The following RASGRP3 variants were observed in gnomAD, a reference collection of about 807,000 sequenced individuals.
The protein encoded by RASGRP3 is RAS guanyl releasing protein 3, also known as ras guanyl-releasing protein 3.
Under a neutral mutation model 82.7 loss-of-function variants are expected in RASGRP3, and 54 were observed. The ratio of observed to expected loss-of-function variants is 0.65; its 90% CI spans 0.52 to 0.82. The LOEUF is 0.82. Among genes scored for constraint, RASGRP3 ranks in the 40% least tolerant of loss-of-function variants. RASGRP3 has a pLI of 0.00. For missense variants in RASGRP3, 861 were observed against 828.9 expected, an observed-to-expected ratio of 1.04 and a Z score of -0.48; for synonymous variants, 309 against 300.5, an observed-to-expected ratio of 1.03 and a Z score of -0.29.
intron 2 of RASGRP3, among the ~76,000 whole-genome samples, chr2:33,453,610 G>A (rs1292386046): frequency 6.6e-6 from 1 of 152,098 alleles, no homozygotes; most frequent in Non-Finnish European, 1.5e-5. Flanking sequence ...AAGATGCAAG[G>A]TTTTTTATGA....
chr2:33,534,806 G>T (rs1270114069), intron 11 of RASGRP3, among the ~76,000 whole-genome samples: 2 of 151,518 alleles, frequency 1.3e-5, no homozygotes, highest in South Asian at 2.1e-4. Context: ...GCCATTACAG[G>T]CTTGGATTAC....
intron 1 of RASGRP3, among the ~76,000 whole-genome samples, chr2:33,510,634 G>A (rs748459037): frequency 6.6e-6 from 1 of 152,162 alleles, no homozygotes; most frequent in Non-Finnish European, 1.5e-5. Context: ...AATATGGGAG[G>A]GGAAGAAGTA....
intron 1 of RASGRP3, among the ~76,000 whole-genome samples, chr2:33,478,050 C>T (rs1459262448): frequency 6.6e-6 from 1 of 152,130 alleles, no homozygotes; most frequent in Non-Finnish European, 1.5e-5. Context: ...CCCTTACCAT[C>T]CTTTGTTGTT....
intron 1 of RASGRP3, among the ~76,000 whole-genome samples, chr2:33,485,676 C>A (rs1034086381): frequency 6.6e-6 from 1 of 152,108 alleles, no homozygotes; most frequent in Admixed American, 6.6e-5. Context: ...TTTCTTGGGG[C>A]CATGATTACA....
At chr2:33,443,709 T>TAACAAA (rs1281917677) in intron 1 of RASGRP3, among the ~76,000 whole-genome samples, 1 of 98,226 alleles carries the variant, frequency 1.0e-5, no homozygotes, top group East Asian at 2.9e-4. Context: ...ATCCTGTCTC[T>TAACAAA]AAAAAAAAAA....
At chr2:33,441,203 T>G (rs542011969) in intron 1 of RASGRP3, among the ~76,000 whole-genome samples, 29 of 152,192 alleles carry the variant, frequency 1.9e-4, no homozygotes, top group Non-Finnish European at 3.5e-4. Flanking sequence ...CCAAACTTGT[T>G]CTTTAGTGTC....
At chr2:33,473,339 C>T (rs113456465), upstream of RASGRP3, among the ~76,000 whole-genome samples, 1,570 of 151,844 alleles carry the variant, frequency 0.01, 24 homozygotes, top group African/African-American at 0.037. Context: ...GCCGAGATCG[C>T]GCCACCACAC....
chr2:33,468,406 A>ATT (rs11446557), intron 2 of RASGRP3, among the ~76,000 whole-genome samples: 36 of 145,934 alleles, frequency 2.5e-4, no homozygotes, highest in African/African-American at 8.7e-4. Context: ...ATGCTTCAAC[A>ATT]TTTTTTTTTT....
At chr2:33,467,237 A>G (rs1363243972) in intron 2 of RASGRP3, among the ~76,000 whole-genome samples, 1 of 151,942 alleles carries the variant, frequency 6.6e-6, no homozygotes, top group East Asian at 1.9e-4. Context: ...TCAGTTATTG[A>G]TATTGGTTTG....
chr2:33,521,296 A>C (rs1483595506), intron 6 of RASGRP3, among the ~76,000 whole-genome samples: 1 of 152,236 alleles, frequency 6.6e-6, no homozygotes, highest in Non-Finnish European at 1.5e-5. Flanking sequence ...CATATCAACT[A>C]GGTAACTTTG....
At chr2:33,536,384 A>C (rs957569397) in intron 11 of RASGRP3, among the ~76,000 whole-genome samples, 2 of 151,474 alleles carry the variant, frequency 1.3e-5, no homozygotes, top group African/African-American at 4.8e-5. Context: ...GAGAGTAGGT[A>C]TCTCACTCGG....
At chr2:33,445,195 G>A (rs1437910770) in intron 1 of RASGRP3, among the ~76,000 whole-genome samples, 1 of 152,166 alleles carries the variant, frequency 6.6e-6, no homozygotes, top group Non-Finnish European at 1.5e-5. Context: ...TGCTAAATAC[G>A]GAGATACAAA....
At chr2:33,463,076 T>G (rs1666472875) in intron 2 of RASGRP3, among the ~76,000 whole-genome samples, 1 of 152,238 alleles carries the variant, frequency 6.6e-6, no homozygotes, top group African/African-American at 2.4e-5. Flanking sequence ...TCTGCGTTTA[T>G]AGGAGTGAGA....
intron 14 of RASGRP3, among the ~76,000 whole-genome samples, chr2:33,552,403 T>A (rs1675459088): frequency 1.3e-5 from 2 of 152,224 alleles, no homozygotes; most frequent in African/African-American, 2.4e-5. Context: ...GGAGTACACA[T>A]TTTTTATGTA....
intron 1 of RASGRP3, among the ~76,000 whole-genome samples, chr2:33,439,818 AC>A (rs1162770835): frequency 4.6e-5 from 7 of 152,138 alleles, no homozygotes; most frequent in African/African-American, 1.7e-4. Flanking sequence ...ATTTAAAGAC[AC>A]CTGGGGCCGA....
chr2:33,514,505 C>CA (rs3083005), intron 2 of RASGRP3, among the ~76,000 whole-genome samples: 19,208 of 60,718 alleles, frequency 0.32, 3,375 homozygotes, highest in Middle Eastern at 0.5. Flanking sequence ...CCCATCTCTA[C>CA]AAAAAAAAAA....
rs531888599 is a variant in RASGRP3, at chr2:33,447,061, G to A, written c.-384-759G>A. On this transcript the variant is annotated intron_variant, in intron 1 of 18. Coordinates refer to the RASGRP3 transcript ENST00000402538. The stretch of plus-strand genomic sequence containing the variant: ...CGGGAGGCTGAGGCAGGAGAATGGC[G>A]TGAACCTACACTCCAGCCTGGGTGA... Among the ~76,000 whole-genome samples, 8 of 148,492 alleles carry A rather than the reference G, an allele frequency of 5.4e-5. No homozygotes were observed. The South Asian group carries it at 8.7e-4, about 16-fold the overall frequency.
chr2:33,509,827 C>G (rs572351624), intron 1 of RASGRP3, among the ~76,000 whole-genome samples: 1 of 152,286 alleles, frequency 6.6e-6, no homozygotes, highest in South Asian at 2.1e-4. Flanking sequence ...TGTCTGGTGT[C>G]TAGTAGATCC....
chr2:33,537,620 C>T (rs1466946178), intron 11 of RASGRP3, among the ~76,000 whole-genome samples: 1 of 152,120 alleles, frequency 6.6e-6, no homozygotes, highest in African/African-American at 2.4e-5. Context: ...CTCAGCCTCC[C>T]AAAGTGCTGG....
Sources: gnomAD v4.1 joint callset for allele counts (sites outside exome capture counted in the v4.1 genomes callset) on GRCh38, gnomAD v4.1.1 for gene constraint, MANE v1.5 for transcripts, NCBI Gene and HGNC (gene_info 2026-07-23, HGNC 2026-07-21) for gene names.